The following PALD1 variants were observed in gnomAD, a reference collection of about 807,000 sequenced individuals.
The protein encoded by PALD1 is paladin.
PALD1 carries 57 observed loss-of-function variants against 96.0 expected under a neutral mutation model. The ratio of observed to expected loss-of-function variants is 0.59; its 90% CI spans 0.48 to 0.74. The LOEUF (loss-of-function observed/expected upper bound fraction) is 0.74, where lower values mean the gene tolerates loss of function less well. PALD1 is among the 30% of genes least tolerant of loss of function. The pLI is 0.00. For missense variants in PALD1, 1,063 were observed against 1,143.7 expected, an observed-to-expected ratio of 0.93 and a Z score of 1.02; for synonymous variants, 464 against 473.6, an observed-to-expected ratio of 0.98 and a Z score of 0.26.
In PALD1 at chr10:70,567,573, G is replaced by A. The variant is rs1180136873; in HGVS notation, c.*840G>A. On this transcript the variant is annotated 3_prime_UTR_variant, in exon 20 of 20. Coordinates refer to ENST00000263563, the MANE Select transcript of PALD1 (RefSeq NM_014431.3). ...ATCTCTCTCTGTCCCGGCAGCCCAG[G>A]ATGGCCTGGTGCCCCCACCTGCTGC... 2 of 153,012 alleles carry A rather than the reference G, an allele frequency of 1.3e-5. No homozygotes were observed. Among genetic ancestry groups the A allele is most frequent in the African/African-American group, 4.8e-5 (2 of 41,460 alleles). The allele number at this position is 153,012 out of a possible 1,614,324, so 9.5% of individuals were successfully genotyped here.
chr10:70,556,407 C>G (rs1161520348), intron 18 of PALD1, among the ~76,000 whole-genome samples: 1 of 151,992 alleles, frequency 6.6e-6, no homozygotes, highest in Non-Finnish European at 1.5e-5. Context: ...CCTCAACCTC[C>G]TAGGTTCAGG....
chr10:70,532,883 C>T, intron 6 of PALD1, 102 bp downstream of exon 6: 1 of 1,516,110 alleles, frequency 6.6e-7, no homozygotes, highest in Non-Finnish European at 9.1e-7. Flanking sequence ...GAGTCCCCCA[C>T]ACCCATGTCT....
chr10:70,495,556 G>C (rs1343796886), intron 1 of PALD1, among the ~76,000 whole-genome samples: 1 of 152,160 alleles, frequency 6.6e-6, no homozygotes, highest in East Asian at 1.9e-4. Context: ...ACCTGTATTG[G>C]CTGGGAGGGG....
At chr10:70,488,891 G>A (rs112543795) in intron 1 of PALD1, among the ~76,000 whole-genome samples, 1,581 of 151,502 alleles carry the variant, frequency 0.01, 23 homozygotes, top group African/African-American at 0.036. Flanking sequence ...TGGGGGTCTG[G>A]GTGGATGTAT....
chr10:70,543,356 T>A (rs1847293101), intron 17 of PALD1, among the ~76,000 whole-genome samples: 2 of 152,320 alleles, frequency 1.3e-5, no homozygotes, highest in South Asian at 4.1e-4. Flanking sequence ...ATTGATAGTG[T>A]CATTTGATGC....
At chr10:70,546,031 G>A (rs556475049) in intron 17 of PALD1, among the ~76,000 whole-genome samples, 1 of 151,774 alleles carries the variant, frequency 6.6e-6, no homozygotes, top group East Asian at 2.0e-4. Context: ...GAGGCCAGGA[G>A]TTCAAGACCA....
At chr10:70,512,638 G>A (rs1846535636) in intron 1 of PALD1, among the ~76,000 whole-genome samples, 1 of 152,256 alleles carries the variant, frequency 6.6e-6, no homozygotes, top group African/African-American at 2.4e-5. Flanking sequence ...CAAGAAGCGG[G>A]GACTGAAAGG....
chr10:70,479,539 T>A (rs1046637268), intron 1 of PALD1, among the ~76,000 whole-genome samples: 4 of 152,182 alleles, frequency 2.6e-5, no homozygotes, highest in Admixed American at 2.6e-4. Flanking sequence ...CTGGCCCTCT[T>A]CCTCTGTAGG....
At chr10:70,487,991 T>A (rs1350656196) in intron 1 of PALD1, among the ~76,000 whole-genome samples, 1 of 152,276 alleles carries the variant, frequency 6.6e-6, no homozygotes, top group East Asian at 1.9e-4. Flanking sequence ...TTTTAGTGAC[T>A]GGCTTCTTTA....
intron 18 of PALD1, among the ~76,000 whole-genome samples, chr10:70,560,127 G>A (rs1032194138): frequency 6.6e-6 from 1 of 152,224 alleles, no homozygotes; most frequent in Admixed American, 6.5e-5. Flanking sequence ...TAATTGAAAG[G>A]TTCAGCCTGA....
intron 18 of PALD1, among the ~76,000 whole-genome samples, chr10:70,560,067 G>C (rs1352429363): frequency 6.6e-6 from 1 of 152,192 alleles, no homozygotes; most frequent in South Asian, 2.1e-4. Flanking sequence ...GACAGCCCCT[G>C]CCTTGATGAA....
chr10:70,496,784 G>A (rs996098231), intron 1 of PALD1, among the ~76,000 whole-genome samples: 1 of 152,284 alleles, frequency 6.6e-6, no homozygotes, highest in Admixed American at 6.5e-5. Context: ...GTGAACTGCT[G>A]GGTGCTGGGG....
At chr10:70,553,756 C>T (rs12358657) in intron 18 of PALD1, among the ~76,000 whole-genome samples, 52,742 of 151,852 alleles carry the variant, frequency 0.35, 9,574 homozygotes, top group Middle Eastern at 0.42. Flanking sequence ...GCCTCTCAAG[C>T]GGGCGGAGGC....
At chr10:70,529,806 C>G (rs1360224834) in intron 3 of PALD1, 83 bp from the exon 4 acceptor site, 2 of 1,257,992 alleles carry the variant, frequency 1.6e-6, no homozygotes, top group Admixed American at 4.0e-5. Flanking sequence ...CCTCCCTGTC[C>G]CCTGGAGCCC....
chr10:70,539,696 C>G lies in PALD1; in HGVS notation c.1842C>G (p.Arg614=). The stretch of plus-strand genomic sequence containing the variant: ...TGCAGGAGGTCTTCAGCCAGCACCG[C>G]AGGGCCTGTCCTGGCCTCACCTACC... ...LTMQEVFSQH[R]RACPGLTYHR... Residue 614 remains arginine, a synonymous_variant, in exon 15 of 20, where the codon CGC becomes CGG. Coordinates refer to ENST00000263563, the MANE Select transcript of PALD1 (RefSeq NM_014431.3). The surrounding 1 kb of genome is among the most constrained non-coding windows in gnomAD (Gnocchi z 4.5). The G allele has an allele frequency of 2.5e-6, 4 of 1,613,758 alleles. No homozygotes were observed. In the South Asian group the frequency reaches 4.4e-5, roughly 18 times the overall value.
chr10:70,541,633 C>A, intron 17 of PALD1, 99 bp downstream of exon 17: 2 of 820,468 alleles, frequency 2.4e-6, no homozygotes, highest in Middle Eastern at 2.5e-4. Context: ...CGTCCCAATG[C>A]AGTCACGTCT....
the PALD1 span, among the ~76,000 whole-genome samples, chr10:70,462,153 G>C: frequency 6.6e-6 from 1 of 152,210 alleles, no homozygotes; most frequent in Admixed American, 6.5e-5. Context: ...TCAAGCCAGA[G>C]ACCTGATCTC....
upstream of PALD1, among the ~76,000 whole-genome samples, chr10:70,473,794 C>T (rs1007939470): frequency 1.3e-5 from 2 of 151,998 alleles, no homozygotes; most frequent in East Asian, 1.9e-4. Flanking sequence ...TACAGGCGCA[C>T]GCCACTATGC....
intron 1 of PALD1, among the ~76,000 whole-genome samples, chr10:70,507,762 T>C (rs201484122): frequency 0.14 from 12,919 of 92,506 alleles, 676 homozygotes; most frequent in East Asian, 0.36. Flanking sequence ...TGTGTGTGTG[T>C]GTGTGTGTGT....
Sources: allele counts gnomAD v4.1 joint callset (sites outside exome capture counted in the v4.1 genomes callset), GRCh38; gene constraint gnomAD v4.1.1; non-coding constraint Gnocchi (gnomAD v3.1); transcripts MANE v1.5; gene names NCBI Gene and HGNC (gene_info 2026-07-23, HGNC 2026-07-21).